The following CD2AP variants were observed in gnomAD, a reference collection of about 807,000 sequenced individuals.
The protein encoded by CD2AP is CD2-associated protein.
CD2AP carries 46 observed loss-of-function variants against 85.1 expected under a neutral mutation model. That is an observed-to-expected ratio of 0.54 (90% CI 0.43 to 0.69). CD2AP has a LOEUF of 0.69. Ranked by LOEUF, CD2AP falls within the 30% of genes least tolerant of loss-of-function variation. The pLI is 0.00. For synonymous variants in CD2AP, 255 were observed against 252.9 expected (o/e 1.01, Z -0.08); for missense variants, 769 against 729.5 (o/e 1.05, Z -0.62).
chr6:47,570,515 T>TTCCTTTC (rs1166321720), intron 5 of CD2AP, among the ~76,000 whole-genome samples: 1 of 134,478 alleles, frequency 7.4e-6, no homozygotes, highest in African/African-American at 2.8e-5. Flanking sequence ...CTCCTCCTTT[T>TTCCTTTC]TCCTTTCTCC....
chr6:47,534,264 G>C (rs191771777), intron 3 of CD2AP, among the ~76,000 whole-genome samples: 1 of 152,306 alleles, frequency 6.6e-6, no homozygotes, highest in Admixed American at 6.5e-5. Context: ...ATAAGGGTTT[G>C]AGTCTGTCTT....
chr6:47,599,540 T>C, intron 13 of CD2AP, 97 bp downstream of exon 13: 1 of 1,060,556 alleles, frequency 9.4e-7, no homozygotes, highest in South Asian at 1.5e-5. Context: ...GTGGATAAAG[T>C]TGGATAAAGT....
rs1391938325 is a variant in CD2AP at position 47,562,633 on chromosome 6, T to C, written c.541+7867T>C. On this transcript the variant is annotated intron_variant, in intron 5 of 17. Transcript: ENST00000359314. ...CCACTGCTGTGGTAGAAGAGGGTAT[T>C]GTTGCTGGAGATGTAATGGATGTTA... is the stretch of plus-strand genomic sequence containing the variant. 168 of 479,140 alleles carry C rather than the reference T, an allele frequency of 3.5e-4. 1 individual carries two copies. Among genetic ancestry groups the C allele is most frequent in the Non-Finnish European group, 3.9e-5 (10 of 258,932 alleles). 29.7% of individuals were successfully genotyped at this position (479,140 alleles called of 1,614,324 possible). A position where few individuals can be genotyped will look rare whatever the true frequency, so the allele number is the denominator to read the frequency against.
chr6:47,586,212 C>T (rs1435396415), intron 11 of CD2AP, among the ~76,000 whole-genome samples: 2 of 152,018 alleles, frequency 1.3e-5, no homozygotes, highest in African/African-American at 4.8e-5. Context: ...AGTGCAAAAA[C>T]TGGAAAATAT....
intron 17 of CD2AP, among the ~76,000 whole-genome samples, chr6:47,617,356 A>G (rs758258489): frequency 1.7e-4 from 26 of 152,128 alleles, no homozygotes; most frequent in Non-Finnish European, 3.7e-4. Flanking sequence ...GAATTCATCT[A>G]TACTCATGAA....
At chr6:47,606,908 T>C (rs62397735) in intron 14 of CD2AP, among the ~76,000 whole-genome samples, 14,641 of 152,110 alleles carry the variant, frequency 0.096, 962 homozygotes, top group South Asian at 0.24. Flanking sequence ...TACTAGGTCT[T>C]ACTCATTCTT....
chr6:47,575,144 T>C (rs934773127), intron 6 of CD2AP, among the ~76,000 whole-genome samples: 1 of 152,192 alleles, frequency 6.6e-6, no homozygotes, highest in African/African-American at 2.4e-5. Flanking sequence ...ATCCTACATA[T>C]TCCTAGCTCT....
At chr6:47,492,125 CCT>C (rs1338085422) in intron 1 of CD2AP, among the ~76,000 whole-genome samples, 7 of 152,196 alleles carry the variant, frequency 4.6e-5, no homozygotes, top group South Asian at 2.1e-4. Context: ...AGAAATTTCT[CCT>C]CTCTACACAG....
intron 5 of CD2AP, among the ~76,000 whole-genome samples, chr6:47,567,793 T>A (rs1253647864): frequency 2.0e-5 from 3 of 152,132 alleles, no homozygotes; most frequent in Non-Finnish European, 2.9e-5. Flanking sequence ...CCTGGAGAAA[T>A]TATTGGGTCA....
At chr6:47,480,557 C>T (rs1353877628) in intron 1 of CD2AP, among the ~76,000 whole-genome samples, 1 of 152,196 alleles carries the variant, frequency 6.6e-6, no homozygotes, top group Non-Finnish European at 1.5e-5. Context: ...TGTGACTGAG[C>T]ACATTACTTC....
intron 11 of CD2AP, among the ~76,000 whole-genome samples, chr6:47,589,565 C>CACACATATATATATATATAT (rs139814970): frequency 0.059 from 7,122 of 120,348 alleles, 363 homozygotes; most frequent in Non-Finnish European, 0.089. Flanking sequence ...CACACACACA[C>CACACATATATATATATATAT]ATATATATAT....
At chr6:47,504,178 A>G (rs1159665409) in intron 2 of CD2AP, among the ~76,000 whole-genome samples, 1 of 152,226 alleles carries the variant, frequency 6.6e-6, no homozygotes, top group Non-Finnish European at 1.5e-5. Context: ...GTATTTACAC[A>G]TCAGTTATAA....
chr6:47,596,731 A>G (rs910122928), intron 12 of CD2AP, among the ~76,000 whole-genome samples: 4 of 152,158 alleles, frequency 2.6e-5, no homozygotes, highest in Admixed American at 2.0e-4. Context: ...GGGAATGCAT[A>G]TATTTCTTTG....
chr6:47,567,476 C>T (rs533218094), intron 5 of CD2AP, among the ~76,000 whole-genome samples: 8 of 152,204 alleles, frequency 5.3e-5, no homozygotes, highest in Admixed American at 3.9e-4. Flanking sequence ...TGATTTACCC[C>T]CCTTGTTTGA....
chr6:47,517,643 C>G (rs1245164589), intron 2 of CD2AP, among the ~76,000 whole-genome samples: 1 of 152,138 alleles, frequency 6.6e-6, no homozygotes, highest in Non-Finnish European at 1.5e-5. Flanking sequence ...TTTATAACAG[C>G]ACAGGAACAG....
intron 2 of CD2AP, among the ~76,000 whole-genome samples, chr6:47,516,334 A>C (rs576821243): frequency 2.6e-5 from 4 of 152,216 alleles, no homozygotes; most frequent in African/African-American, 4.8e-5. Context: ...GCAACAGAGC[A>C]TAGAAAATCA....
intron 11 of CD2AP, among the ~76,000 whole-genome samples, chr6:47,586,567 A>G (rs1036950615): frequency 6.6e-6 from 1 of 152,220 alleles, no homozygotes; most frequent in Non-Finnish European, 1.5e-5. Flanking sequence ...CTGTCAACCT[A>G]TAGTTTTCTA....
At chr6:47,574,272 A>ATAAC (rs1562039064) in intron 6 of CD2AP, 21 bp downstream of exon 6, 1 of 1,592,202 alleles carries the variant, frequency 6.3e-7, no homozygotes, top group Admixed American at 1.7e-5. Context: ...TGGACTTGTT[A>ATAAC]GATTAACTCC....
In CD2AP at chr6:47,610,973, T is replaced by TATATATATATA. The variant is rs1454709863; in HGVS notation, c.1815-1500_1815-1499insATATATATATA. Among the ~76,000 whole-genome samples the TATATATATATA allele has an allele frequency of 3.3e-4, 10 of 30,042 alleles. 1 individual carries two copies. The highest frequency in any genetic ancestry group is 1.6e-3 in the South Asian group (2 of 1,222). The allele number at this position is 30,042 out of a possible 152,430, so 19.7% of individuals were successfully genotyped here. On this transcript the variant is annotated intron_variant, in intron 16 of 17. Coordinates refer to ENST00000359314, the MANE Select transcript of CD2AP (RefSeq NM_012120.3). ...TTTATATATATATATATATATGTAT[T>TATATATATATA]TTTTTTTTTTTTTGAATATAAAACA...
Sources: allele counts gnomAD v4.1 joint callset (sites outside exome capture counted in the v4.1 genomes callset), GRCh38; gene constraint gnomAD v4.1.1; transcripts MANE v1.5; gene names NCBI Gene and HGNC (gene_info 2026-07-23, HGNC 2026-07-21).